Variants in CSMD3 observed in about 807,000 individuals in gnomAD.
The protein encoded by CSMD3 is CUB and sushi domain-containing protein 3.
A neutral mutation model predicts 435.2 loss-of-function variants in CSMD3; 177 were observed. The observed-to-expected ratio is 0.41, with a 90% confidence interval of 0.36 to 0.46. The LOEUF (loss-of-function observed/expected upper bound fraction) is 0.46. Among genes scored for constraint, CSMD3 ranks in the 20% least tolerant of loss-of-function variants. The pLI, the probability that CSMD3 is intolerant of heterozygous loss-of-function variation, is 0.34. For missense variants in CSMD3, 4,265 were observed against 4,504.6 expected (o/e 0.95, Z 1.52); for synonymous variants, 1,656 against 1,520.5 (o/e 1.09, Z -2.07).
intron 12 of CSMD3, among the ~76,000 whole-genome samples, chr8:112,816,632 A>T: frequency 6.6e-6 from 1 of 152,016 alleles, no homozygotes; most frequent in Admixed American, 6.6e-5. Context: ...TGCCAAAAGG[A>T]GTAGGGCCTA....
chr8:112,329,364 A>C (rs1302809595), intron 45 of CSMD3, among the ~76,000 whole-genome samples: 1 of 152,186 alleles, frequency 6.6e-6, no homozygotes, highest in Admixed American at 6.5e-5. Context: ...ACAGTCTTCC[A>C]CCTCAGCCAA....
intron 5 of CSMD3, among the ~76,000 whole-genome samples, chr8:113,094,232 T>G (rs2090094256): frequency 6.6e-6 from 1 of 152,194 alleles, no homozygotes; most frequent in African/African-American, 2.4e-5. Flanking sequence ...AAAATCAGCC[T>G]TTAACCTTTT....
At chr8:112,424,607 C>T (rs1206011798) in intron 32 of CSMD3, among the ~76,000 whole-genome samples, 1 of 152,192 alleles carries the variant, frequency 6.6e-6, no homozygotes, top group Non-Finnish European at 1.5e-5. Context: ...CTAACTATGT[C>T]ATAGCTTGAT....
intron 45 of CSMD3, among the ~76,000 whole-genome samples, chr8:112,320,659 G>T (rs983866745): frequency 1.5e-5 from 2 of 137,708 alleles, no homozygotes; most frequent in Non-Finnish European, 3.1e-5. Context: ...CCCCACGACA[G>T]GCCCCGGTGG....
rs183655604 is a variant in CSMD3, at chr8:112,754,872, T to C, written c.1972+45290A>G. Among the ~76,000 whole-genome samples, 285 of 152,306 alleles carry C rather than the reference T, an allele frequency of 1.9e-3. 2 individuals carry two copies. The Middle Eastern group carries it at 0.034, about 18-fold the overall frequency. ...TTGGAGAAATTGATACTGAACTCTATAGATGAAGACATGTTTACCCCCTCC... is the reference window on the plus strand; with the variant it reads ...TTGGAGAAATTGATACTGAACTCTACAGATGAAGACATGTTTACCCCCTCC... On this transcript the variant is annotated intron_variant, in intron 13 of 70. Transcript: ENST00000297405.
At chr8:112,976,195 T>C (rs2084842083) in intron 6 of CSMD3, 47 bp from the exon 7 acceptor site, 1 of 1,598,500 alleles carries the variant, frequency 6.3e-7, no homozygotes, top group South Asian at 1.1e-5. Context: ...TTTTTAAATT[T>C]TGTTTATTTT....
chr8:112,248,023 G>A (rs1352432641), intron 63 of CSMD3, among the ~76,000 whole-genome samples: 4 of 152,024 alleles, frequency 2.6e-5, no homozygotes, highest in African/African-American at 9.7e-5. Flanking sequence ...GGGATAAGTG[G>A]GAAGCAGGGG....
chr8:113,162,646 T>C (rs974654092), intron 4 of CSMD3, among the ~76,000 whole-genome samples: 2 of 150,890 alleles, frequency 1.3e-5, no homozygotes, highest in East Asian at 3.9e-4. Context: ...TTACCTTTTA[T>C]TACTTGTGTG....
chr8:113,154,744 G>A (rs1389117990), intron 4 of CSMD3, among the ~76,000 whole-genome samples: 1 of 152,026 alleles, frequency 6.6e-6, no homozygotes, highest in Non-Finnish European at 1.5e-5. Context: ...GTAAAAGGAT[G>A]AAAAGAGGCT....
chr8:112,510,207 T>G (rs2130949583), intron 28 of CSMD3, among the ~76,000 whole-genome samples: 1 of 152,310 alleles, frequency 6.6e-6, no homozygotes, highest in Non-Finnish European at 1.5e-5. Flanking sequence ...ATTGAAACGA[T>G]TATTCCCCAT....
intron 3 of CSMD3, among the ~76,000 whole-genome samples, chr8:113,271,528 G>A (rs930358492): frequency 5.9e-5 from 9 of 152,282 alleles, no homozygotes; most frequent in African/African-American, 2.2e-4. Flanking sequence ...TACACGTGAT[G>A]TTGAGCCTGC....
chr8:112,752,642 G>C lies in CSMD3; in HGVS notation c.1972+47520C>G, dbSNP rs180942637. On this transcript the variant is annotated intron_variant, in intron 13 of 70. Transcript: ENST00000297405. ...TAAATATTCATTCTGAAGTTATAAA[G>C]CTAACAATAGGATAACTAAAGAATA... Among the ~76,000 whole-genome samples the C allele has an allele frequency of 3.5e-3, 539 of 152,004 alleles. 7 individuals are homozygous for C. The highest frequency in any genetic ancestry group is 0.012 in the African/African-American group (516 of 41,458).
chr8:112,540,453 A>G (rs1723286286), intron 27 of CSMD3, among the ~76,000 whole-genome samples: 1 of 152,062 alleles, frequency 6.6e-6, no homozygotes, highest in Admixed American at 6.6e-5. Context: ...AAGAAAGAAA[A>G]TTAGTATATC....
intron 16 of CSMD3, among the ~76,000 whole-genome samples, chr8:112,667,927 T>C (rs1217561607): frequency 6.6e-6 from 1 of 152,156 alleles, no homozygotes; most frequent in Admixed American, 6.6e-5. Context: ...CTGAAAACAA[T>C]TGCTCTAGAC....
chr8:113,366,016 T>C (rs1019755019), intron 1 of CSMD3, among the ~76,000 whole-genome samples: 1 of 152,054 alleles, frequency 6.6e-6, no homozygotes, highest in Admixed American at 6.6e-5. Flanking sequence ...TTTATTCACA[T>C]GCTAGACAGT....
At chr8:112,266,220 C>T (rs973752342) in intron 59 of CSMD3, among the ~76,000 whole-genome samples, 5 of 152,172 alleles carry the variant, frequency 3.3e-5, no homozygotes, top group Non-Finnish European at 7.3e-5. Context: ...TGACGATCCT[C>T]ACGTTTGCAT....
chr8:112,259,400 G>A (rs1816166242), intron 61 of CSMD3, among the ~76,000 whole-genome samples: 1 of 151,954 alleles, frequency 6.6e-6, no homozygotes, highest in Admixed American at 6.6e-5. Context: ...TGAGAACACA[G>A]GGACACAGGG....
intron 47 of CSMD3, among the ~76,000 whole-genome samples, chr8:112,316,149 G>A (rs186604699): frequency 6.6e-6 from 1 of 151,796 alleles, no homozygotes; most frequent in African/African-American, 2.4e-5. Flanking sequence ...CTAACACATG[G>A]CTTTTTGAAA....
chr8:112,336,746 A>C lies in CSMD3; in HGVS notation c.6925T>G (p.Cys2309Gly), dbSNP rs754965415. The C allele has an allele frequency of 6.2e-7, 1 of 1,613,274 alleles. No homozygotes were observed. Among genetic ancestry groups the C allele is most frequent in the Non-Finnish European group, 8.5e-7 (1 of 1,179,330 alleles). The change falls in exon 44 of 71, where the codon TGT becomes GGT. Residue 2309 changes from cysteine to glycine, a missense_variant. This residue lies in a region of CSMD3 where 3,255 missense variants were observed against 3,380.2 expected (regional missense o/e 0.96). Transcript: ENST00000297405. Reference protein sequence around the residue: ...YPDEYPNFQDCFWLVRVPPGN... With the variant: ...YPDEYPNFQDGFWLVRVPPGN... Reference sequence around the variant, plus strand: ...GGGGGTACTCTTACAAGCCAAAAACAATCTTGAAAGTTTGGATATTCATCA... The same window carrying C: ...GGGGGTACTCTTACAAGCCAAAAACCATCTTGAAAGTTTGGATATTCATCA...
Sources: gnomAD v4.1 joint callset for allele counts (sites outside exome capture counted in the v4.1 genomes callset) on GRCh38, gnomAD v4.1.1 for gene constraint, gnomAD v4.1.1 regional missense constraint, MANE v1.5 for transcripts, NCBI Gene and HGNC (gene_info 2026-07-23, HGNC 2026-07-21) for gene names.